The following ELMO1 variants were observed in gnomAD, a reference collection of about 807,000 sequenced individuals.
The protein encoded by ELMO1 is engulfment and cell motility 1.
ELMO1 carries 26 observed loss-of-function variants against 98.9 expected under a neutral mutation model. The ratio of observed to expected loss-of-function variants is 0.26; its 90% CI spans 0.19 to 0.36. The LOEUF (loss-of-function observed/expected upper bound fraction) is 0.36. ELMO1 is among the 10% of genes least tolerant of loss of function. The probability of loss-of-function intolerance (pLI) is 1.00; values close to 1 mark genes in which losing one functional copy is unlikely to be tolerated. For synonymous variants in ELMO1, 346 were observed against 346.0 expected (o/e 1.00, Z 0.00); for missense variants, 627 against 935.2 (o/e 0.67, Z 4.30).
intron 16 of ELMO1, among the ~76,000 whole-genome samples, chr7:36,933,677 A>C (rs529799813): frequency 2.6e-5 from 4 of 152,286 alleles, no homozygotes; most frequent in Admixed American, 2.6e-4. Context: ...TTCCAGACAC[A>C]TGACAACTCA....
At chr7:37,116,430 T>G (rs1239471224) in intron 14 of ELMO1, among the ~76,000 whole-genome samples, 1 of 152,104 alleles carries the variant, frequency 6.6e-6, no homozygotes, top group Non-Finnish European at 1.5e-5. Flanking sequence ...GGAGAAATAA[T>G]GGAAAGATAC....
At chr7:37,198,206 A>G (rs879898279) in intron 13 of ELMO1, among the ~76,000 whole-genome samples, 2 of 152,212 alleles carry the variant, frequency 1.3e-5, no homozygotes, top group Admixed American at 6.5e-5. Flanking sequence ...GAAATTCTCT[A>G]GAATTCATGG....
At chr7:36,986,376 A>G in intron 16 of ELMO1, 2 of 482,440 alleles carry the variant, frequency 4.1e-6, no homozygotes, top group Non-Finnish European at 5.4e-6. Flanking sequence ...TCTTTTGTCA[A>G]TAAACCCATA....
chr7:37,086,330 C>CTCTGTG (rs1000692933), intron 15 of ELMO1, among the ~76,000 whole-genome samples: 6 of 143,082 alleles, frequency 4.2e-5, no homozygotes, highest in African/African-American at 1.5e-4. Flanking sequence ...CAATACATGA[C>CTCTGTG]TGTGTGTGTG....
intron 15 of ELMO1, among the ~76,000 whole-genome samples, chr7:37,045,501 T>C (rs1406928145): frequency 6.6e-6 from 1 of 152,200 alleles, no homozygotes; most frequent in Non-Finnish European, 1.5e-5. Flanking sequence ...CAAATCACAA[T>C]AGTTCAAAAA....
At chr7:37,305,992 GA>G in intron 4 of ELMO1, among the ~76,000 whole-genome samples, 1 of 152,332 alleles carries the variant, frequency 6.6e-6, no homozygotes, top group East Asian at 1.9e-4. Flanking sequence ...ACTGAATTAA[GA>G]GACGAATCTC....
At chr7:36,874,648 A>G (rs1803795053) in intron 19 of ELMO1, among the ~76,000 whole-genome samples, 2 of 152,162 alleles carry the variant, frequency 1.3e-5, no homozygotes, top group East Asian at 1.9e-4. Context: ...TCATCTCCAC[A>G]TGGGCAGGGT....
chr7:37,232,740 C>G (rs1294624866), intron 8 of ELMO1, among the ~76,000 whole-genome samples: 1 of 152,102 alleles, frequency 6.6e-6, no homozygotes, highest in East Asian at 1.9e-4. Flanking sequence ...TCCCTGGACA[C>G]CAGGTTGGGG....
intron 14 of ELMO1, among the ~76,000 whole-genome samples, chr7:37,100,043 G>A (rs1353399965): frequency 1.3e-5 from 2 of 151,898 alleles, no homozygotes; most frequent in African/African-American, 2.4e-5. Context: ...CATGTTGGCC[G>A]AGCTGGGTCT....
At chr7:37,165,235 G>C in intron 13 of ELMO1, among the ~76,000 whole-genome samples, 1 of 152,098 alleles carries the variant, frequency 6.6e-6, no homozygotes. Flanking sequence ...GGAGATTTTG[G>C]GCTGAAACAA....
At chr7:37,037,102 G>C (rs1185006836) in intron 15 of ELMO1, among the ~76,000 whole-genome samples, 1 of 152,042 alleles carries the variant, frequency 6.6e-6, no homozygotes, top group East Asian at 1.9e-4. Context: ...AATAAATGAG[G>C]AGTTGAAAGT....
At chr7:37,197,257 A>C (rs994176816) in intron 13 of ELMO1, 2 of 152,238 alleles carry the variant, frequency 1.3e-5, no homozygotes, top group Admixed American at 6.5e-5. Context: ...AGATGCCCGC[A>C]CAGGGCCAGT....
At chr7:37,290,535 T>A (rs1234196788) in intron 4 of ELMO1, among the ~76,000 whole-genome samples, 1 of 152,134 alleles carries the variant, frequency 6.6e-6, no homozygotes, top group Non-Finnish European at 1.5e-5. Context: ...CTATAAACAA[T>A]GGAAGTGCTT....
Position 36,870,290 on chromosome 7 carries a change from A to G in ELMO1, c.1905+103T>C, listed in dbSNP as rs111384031. 97 of 913,040 alleles carry G rather than the reference A, an allele frequency of 1.1e-4. 1 individual carries two copies. The African/African-American group carries it at 1.1e-3, about 10-fold the overall frequency. The allele number at this position is 913,040 out of a possible 1,614,324, so 56.6% of individuals were successfully genotyped here. ...CTGAATAAGAGATGTGTGTCTGAACACACGCACACACACGAACACTGCTAT... is the reference window on the plus strand; with the variant it reads ...CTGAATAAGAGATGTGTGTCTGAACGCACGCACACACACGAACACTGCTAT... On this transcript the variant is annotated intron_variant, in intron 20 of 21. Coordinates refer to ENST00000310758, the MANE Select transcript of ELMO1 (RefSeq NM_014800.11). The surrounding 1 kb of genome is among the most constrained non-coding windows in gnomAD (Gnocchi z 4.4).
intron 16 of ELMO1, among the ~76,000 whole-genome samples, chr7:36,991,075 T>C (rs1791842146): frequency 6.6e-6 from 1 of 152,170 alleles, no homozygotes; most frequent in Admixed American, 6.5e-5. Flanking sequence ...AAGGTGATGG[T>C]AATGGTCTCT....
chr7:37,118,390 A>G (rs1172033173), intron 14 of ELMO1, among the ~76,000 whole-genome samples: 2 of 152,224 alleles, frequency 1.3e-5, no homozygotes, highest in Non-Finnish European at 2.9e-5. Flanking sequence ...AAAACTCACA[A>G]CAGGAGAAAC....
intron 16 of ELMO1, among the ~76,000 whole-genome samples, chr7:36,941,668 T>C (rs886979917): frequency 7.9e-5 from 12 of 152,228 alleles, no homozygotes; most frequent in African/African-American, 2.9e-4. Flanking sequence ...GCCATTAGAA[T>C]AGAATGCCAA....
At chr7:37,021,808 CAAAG>C (rs1474631445) in intron 15 of ELMO1, among the ~76,000 whole-genome samples, 3 of 151,974 alleles carry the variant, frequency 2.0e-5, no homozygotes, top group Non-Finnish European at 4.4e-5. Flanking sequence ...GTTTTAATAA[CAAAG>C]TAATTATTAT....
intron 1 of ELMO1, among the ~76,000 whole-genome samples, chr7:37,377,186 C>G (rs1002564857): frequency 1.3e-5 from 2 of 152,122 alleles, no homozygotes. Flanking sequence ...TATCAAAATT[C>G]AAAATTTGAA....
Sources: gnomAD v4.1 joint callset for allele counts (sites outside exome capture counted in the v4.1 genomes callset) on GRCh38, gnomAD v4.1.1 for gene constraint, Gnocchi (gnomAD v3.1) non-coding constraint, MANE v1.5 for transcripts, NCBI Gene and HGNC (gene_info 2026-07-23, HGNC 2026-07-21) for gene names.